Variants in OR1A1 observed in about 807,000 individuals in gnomAD.
OR1A1 encodes olfactory receptor 1A1.
For synonymous variants in OR1A1, 145 were observed against 147.8 expected (o/e 0.98, Z 0.13); for missense variants, 391 against 379.9 (o/e 1.03, Z -0.24).
rs2048465237 is a variant in OR1A1 at position 3,215,879 on chromosome 17, T to C, written c.259T>C (p.Leu87=). 1.2e-6 allele frequency: 2 copies of C among 1,614,184 alleles called. No homozygotes were observed. Among genetic ancestry groups the C allele is most frequent in the Admixed American group, 1.7e-5 (1 of 60,026 alleles). ...TIPKMLANHL[L]GSKSISFGGC... Reference sequence around the variant, plus strand: ...CCCTAAGATGCTGGCCAACCATCTCTTGGGCAGCAAATCCATCTCTTTTGG... The same window carrying C: ...CCCTAAGATGCTGGCCAACCATCTCCTGGGCAGCAAATCCATCTCTTTTGG... The change falls in exon 4 of 4, where the codon TTG becomes CTG. Residue 87 remains leucine, a synonymous_variant. Transcript: ENST00000641732.
Position 3,216,297 on chromosome 17 carries a change from A to G in OR1A1, c.677A>G (p.Gln226Arg), listed in dbSNP as rs562861292. The G allele has an allele frequency of 2.5e-6, 4 of 1,614,210 alleles. No individual in the cohort carries two copies. In the East Asian group the frequency reaches 6.7e-5, roughly 27 times the overall value. ...ATTCGAGTCTTCTCCACAGTCTTCC[A>G]GGTTCCTTCCACCAAGGGCGTGCTC... ...SYIRVFSTVF[Q>R]VPSTKGVLKA... Residue 226 changes from glutamine (Q) to arginine (R), a missense_variant, in exon 4 of 4, where the codon CAG becomes CGG. Coordinates refer to ENST00000641732, the MANE Select transcript of OR1A1 (RefSeq NM_014565.3).
Position 3,215,725 on chromosome 17 carries a change from C to T in OR1A1, c.105C>T (p.Tyr35=), listed in dbSNP as rs776078526. ...TCTACATCCTCTTCTTGTTCATTTACCCCATCACATTGATTGGAAACCTGC... is the reference window on the plus strand; with the variant it reads ...TCTACATCCTCTTCTTGTTCATTTATCCCATCACATTGATTGGAAACCTGC... ...DFFYILFLFI[Y]PITLIGNLLI... The change falls in exon 4 of 4, where the codon TAC becomes TAT. Residue 35 remains tyrosine, a synonymous_variant. Transcript: ENST00000641732. 22 of 1,613,792 alleles carry T rather than the reference C, an allele frequency of 1.4e-5. No individual in the cohort carries two copies. The highest frequency in any genetic ancestry group is 2.5e-6 in the Non-Finnish European group (3 of 1,179,830).
intron 3 of OR1A1, chr17:3,214,023 AT>A (rs1415172085): frequency 1.3e-5 from 2 of 152,220 alleles, no homozygotes; most frequent in Non-Finnish European, 2.9e-5. Flanking sequence ...GCACTGGGAC[AT>A]TTAGTAGAAA....
rs371870491 is a variant in OR1A1 at position 3,216,355 on chromosome 17, G to C, written c.735G>C (p.Thr245=). The change falls in exon 4 of 4, where the codon ACG becomes ACC. Residue 245 remains threonine (T), a synonymous_variant. Coordinates refer to ENST00000641732, the MANE Select transcript of OR1A1 (RefSeq NM_014565.3). ...KAFSTCGSHL[T]VVSLYYGTVM... is the part of the protein sequence containing the mutation. Reference sequence around the variant, plus strand: ...TCTCCACCTGTGGTTCCCACCTCACGGTTGTCTCTTTGTATTATGGTACAG... The same window carrying C: ...TCTCCACCTGTGGTTCCCACCTCACCGTTGTCTCTTTGTATTATGGTACAG... 1 of 1,614,138 alleles carries C rather than the reference G, an allele frequency of 6.2e-7. No homozygotes were observed. The highest frequency in any genetic ancestry group is 1.3e-5 in the African/African-American group (1 of 75,022).
chr17:3,215,694 A>G lies in OR1A1; in HGVS notation c.74A>G (p.Asp25Gly). 1.2e-6 allele frequency: 2 copies of G among 1,613,928 alleles called. No individual in the cohort carries two copies. Among genetic ancestry groups the G allele is most frequent in the Non-Finnish European group, 1.7e-6 (2 of 1,179,850 alleles). ...LGVTGQQEQE[D>G]FFYILFLFIY... ...GTTACTGGTCAGCAGGAACAGGAAG[A>G]TTTCTTCTACATCCTCTTCTTGTTC... is the stretch of plus-strand genomic sequence containing the variant. Residue 25 changes from aspartate to glycine, a missense_variant, in exon 4 of 4, where the codon GAT becomes GGT. Transcript: ENST00000641732.
At chr17:3,214,052 A>G (rs2048455079) in intron 3 of OR1A1, 1 of 152,208 alleles carries the variant, frequency 6.6e-6, no homozygotes, top group Admixed American at 6.5e-5. Context: ...TTATGTAATA[A>G]TTATTTTAAA....
In OR1A1 at chr17:3,216,952, A is replaced by T. The variant is rs2048473611; in HGVS notation, c.*402A>T. On this transcript the variant is annotated 3_prime_UTR_variant, in exon 4 of 4. Coordinates refer to ENST00000641732, the MANE Select transcript of OR1A1 (RefSeq NM_014565.3). ...ATGTGTCCATTTTTATTTGACTGTT[A>T]AGTTTAATCACCCTTATTAGGCTTG... 6.1e-6 allele frequency: 1 copy of T among 165,108 alleles called. No individual in the cohort carries two copies. Among genetic ancestry groups the T allele is most frequent in the African/African-American group, 2.4e-5 (1 of 41,710 alleles). 10.2% of individuals were successfully genotyped at this position (165,108 alleles called of 1,614,324 possible). A position where few individuals can be genotyped will look rare whatever the true frequency, so the allele number is the denominator to read the frequency against.
At chr17:3,215,171 T>G (rs985751107) in intron 3 of OR1A1, 6 of 158,128 alleles carry the variant, frequency 3.8e-5, no homozygotes, top group African/African-American at 1.2e-4. Context: ...ATAAAATTAG[T>G]GTGTGATTTT....
intron 3 of OR1A1, chr17:3,214,600 A>G (rs2048457951): frequency 6.6e-6 from 1 of 151,982 alleles, no homozygotes; most frequent in Non-Finnish European, 1.5e-5. Context: ...TAAACAAGAT[A>G]TGGTTTTCCT....
In OR1A1 at chr17:3,208,582, A is replaced by T. The variant is rs1196083309; in HGVS notation, c.-555A>T. 1.3e-5 allele frequency: 2 copies of T among 152,226 alleles called. No individual in the cohort carries two copies. The highest frequency in any genetic ancestry group is 2.4e-5 in the African/African-American group (1 of 41,444). The allele number at this position is 152,226 out of a possible 1,614,324, so 9.4% of individuals were successfully genotyped here. On this transcript the variant is annotated splice_region_variant and 5_prime_UTR_variant, in exon 2 of 4. Coordinates refer to ENST00000641732, the MANE Select transcript of OR1A1 (RefSeq NM_014565.3). Reference sequence around the variant, plus strand: ...CACTTGCCTCCTCTGTCCCTGCAGAATTGTTCTCAGCACCACCCCATTCAC... The same window carrying T: ...CACTTGCCTCCTCTGTCCCTGCAGATTTGTTCTCAGCACCACCCCATTCAC...
intron 2 of OR1A1, among the ~76,000 whole-genome samples, chr17:3,211,270 A>C (rs2048440159): frequency 6.6e-6 from 1 of 152,108 alleles, no homozygotes; most frequent in South Asian, 2.1e-4. Flanking sequence ...TTTTGTACCT[A>C]ATGAGACAAA....
In OR1A1 at chr17:3,210,077, T is replaced by A. The variant is rs185020302; in HGVS notation, c.-139+1079T>A. ...ATTCACTACTAAAAAATAGCACAATTTACTTATCTATGCCTCCGTGGGTAG... is the reference window on the plus strand; with the variant it reads ...ATTCACTACTAAAAAATAGCACAATATACTTATCTATGCCTCCGTGGGTAG... On this transcript the variant is annotated intron_variant, in intron 2 of 3. Transcript: ENST00000641732. Among the ~76,000 whole-genome samples, 296 of 152,292 alleles carry A rather than the reference T, an allele frequency of 1.9e-3. 1 individual carries two copies. The highest frequency in any genetic ancestry group is 3.5e-3 in the Non-Finnish European group (235 of 68,022).
chr17:3,208,551 G>C (rs1463344613), intron 1 of OR1A1, 30 bp from the exon 2 acceptor site: 1 of 152,114 alleles, frequency 6.6e-6, no homozygotes, highest in African/African-American at 2.4e-5. Context: ...CCCAGATAAG[G>C]GGAAACACTT....
chr17:3,213,807 A>G (rs1412701072), intron 3 of OR1A1: 1 of 152,216 alleles, frequency 6.6e-6, no homozygotes, highest in African/African-American at 2.4e-5. Context: ...TCACATGAGC[A>G]CACCTCACTG....
intron 2 of OR1A1, among the ~76,000 whole-genome samples, chr17:3,212,046 A>C (rs1047621989): frequency 6.6e-6 from 1 of 152,202 alleles, no homozygotes; most frequent in Non-Finnish European, 1.5e-5. Context: ...TGAAACATCA[A>C]TTCCCTTGGG....
In OR1A1 at chr17:3,216,357, T is replaced by G. The variant is rs371525752; in HGVS notation, c.737T>G (p.Val246Gly). The change falls in exon 4 of 4, where the codon GTT becomes GGT. Residue 246 changes from valine (V) to glycine (G), a missense_variant. By Grantham distance (109) the Val-to-Gly change is moderately radical. Transcript: ENST00000641732. ...AFSTCGSHLT[V>G]VSLYYGTVMG... ...TCCACCTGTGGTTCCCACCTCACGG[T>G]TGTCTCTTTGTATTATGGTACAGTC... 1.4e-5 allele frequency: 22 copies of G among 1,614,104 alleles called. No homozygotes were observed. Among genetic ancestry groups the G allele is most frequent in the Non-Finnish European group, 1.8e-5 (21 of 1,180,058 alleles).
At position 3,216,346 on chromosome 17, in the gene OR1A1, CCA is replaced by C; in HGVS notation, c.728_729del (p.His243ProfsTer23). On this transcript the variant is annotated frameshift_variant, in exon 4 of 4. Coordinates refer to ENST00000641732, the MANE Select transcript of OR1A1 (RefSeq NM_014565.3). LOFTEE classifies it high-confidence loss of function. ...VLKAFSTCGS[H>X]LTVVSLYYGT... ...TCAAGGCCTTCTCCACCTGTGGTTC[CCA>C]CCTCACGGTTGTCTCTTTGTATTAT... is the stretch of plus-strand genomic sequence containing the variant. 6.2e-7 allele frequency: 1 copy of C among 1,614,230 alleles called. No individual in the cohort carries two copies. The highest frequency in any genetic ancestry group is 8.5e-7 in the Non-Finnish European group (1 of 1,180,050).
Position 3,215,954 on chromosome 17 carries a change from A to G in OR1A1, c.334A>G (p.Ser112Gly). 2 of 1,614,176 alleles carry G rather than the reference A, an allele frequency of 1.2e-6. No homozygotes were observed. Among genetic ancestry groups the G allele is most frequent in the Non-Finnish European group, 1.7e-6 (2 of 1,180,038 alleles). ...CATGATAGCCTTGGGTAACACAGAC[A>G]GCTATATTTTGGCTGCAATGGCATA... is the stretch of plus-strand genomic sequence containing the variant. Reference protein sequence around the residue: ...YFMIALGNTDSYILAAMAYDR... With the variant: ...YFMIALGNTDGYILAAMAYDR... The change falls in exon 4 of 4, where the codon AGC becomes GGC. Residue 112 changes from serine to glycine, a missense_variant. Physicochemically the swap from Ser to Gly is moderately conservative, Grantham distance 56 (BLOSUM62 0). Transcript: ENST00000641732.
Position 3,216,386 on chromosome 17 carries a change from G to C in OR1A1, c.766G>C (p.Gly256Arg), listed in dbSNP as rs888113326. The change falls in exon 4 of 4, where the codon GGC (glycine) becomes CGC (arginine). Residue 256 changes from glycine (G) to arginine (R), a missense_variant. Gly to Arg is a moderately radical substitution (Grantham distance 125). Coordinates refer to ENST00000641732, the MANE Select transcript of OR1A1 (RefSeq NM_014565.3). ...CTCTTTGTATTATGGTACAGTCATG[G>C]GCACGTATTTCCGCCCTTTGACCAA... ...VVSLYYGTVM[G>R]TYFRPLTNYS... is the part of the protein sequence containing the mutation. 6.2e-7 allele frequency: 1 copy of C among 1,614,156 alleles called. No individual in the cohort carries two copies. Among genetic ancestry groups the C allele is most frequent in the South Asian group, 1.1e-5 (1 of 91,078 alleles).
Sources: gnomAD v4.1 joint callset for allele counts (sites outside exome capture counted in the v4.1 genomes callset) on GRCh38, gnomAD v4.1.1 for gene constraint, MANE v1.5 for transcripts, NCBI Gene and HGNC (gene_info 2026-07-23, HGNC 2026-07-21) for gene names.